The following RARB variants were observed in gnomAD, a reference collection of about 807,000 sequenced individuals.
RARB encodes retinoic acid receptor beta, also known as HBV-activated protein.
Under a neutral mutation model 51.9 loss-of-function variants are expected in RARB, and 17 were observed. That is an observed-to-expected ratio of 0.33 (90% CI 0.22 to 0.49). The LOEUF (loss-of-function observed/expected upper bound fraction) is 0.49. Ranked by LOEUF, RARB falls within the 20% of genes least tolerant of loss-of-function variation. The probability of loss-of-function intolerance (pLI) is 0.99; values close to 1 mark genes in which losing one functional copy is unlikely to be tolerated. For missense variants in RARB, 369 were observed against 550.8 expected (o/e 0.67, Z 3.30); for synonymous variants, 215 against 195.4 (o/e 1.10, Z -0.84).
At chr3:25,595,205 T>G (rs1395833302) in intron 7 of RARB, among the ~76,000 whole-genome samples, 1 of 152,206 alleles carries the variant, frequency 6.6e-6, no homozygotes, top group Non-Finnish European at 1.5e-5. Context: ...TTAATAGAGG[T>G]GCCTAGATCC....
chr3:25,448,033 A>G (rs1243435659), intron 1 of RARB, among the ~76,000 whole-genome samples: 3 of 152,082 alleles, frequency 2.0e-5, no homozygotes, highest in South Asian at 2.1e-4. Context: ...AATGCTCACA[A>G]TGATGCAATG....
At position 25,569,981 on chromosome 3, in the gene RARB, GACACACACAC is replaced by G. The variant is rs56255512; in HGVS notation, c.609+94_609+103del. The G allele has an allele frequency of 0.16, 167,446 of 1,067,318 alleles. 4,828 individuals are homozygous for G. Among genetic ancestry groups the G allele is most frequent in the Non-Finnish European group, 0.18 (134,041 of 764,706 alleles). 66.1% of individuals were successfully genotyped at this position (1,067,318 alleles called of 1,614,324 possible). On this transcript the variant is annotated intron_variant, in intron 4 of 7. Transcript: ENST00000330688. ...GAAACCTTGTACGTGCATGTGTGCA[GACACACACAC>G]ACACACACACACACACACACACACA...
intron 2 of RARB, among the ~76,000 whole-genome samples, chr3:24,966,922 A>G (rs140497940): frequency 6.6e-6 from 1 of 152,144 alleles, no homozygotes; most frequent in Non-Finnish European, 1.5e-5. Context: ...TGAATTCACC[A>G]TACATTTTCA....
rs1420869266 is a variant in RARB at position 25,428,902 on chromosome 3, T to G, written c.157+14T>G. On this transcript the variant is annotated intron_variant, in intron 1 of 7. Coordinates refer to ENST00000330688, the MANE Select transcript of RARB (RefSeq NM_000965.5). ...ACACTGCTCAATGTAGGTTTATTTT[T>G]TTCCCTTCTTCTACCAAGAAAAAAA... 2 of 1,584,490 alleles carry G rather than the reference T, an allele frequency of 1.3e-6. No homozygotes were observed. The highest frequency in any genetic ancestry group is 3.5e-5 in the Admixed American group (2 of 57,172).
intron 2 of RARB, among the ~76,000 whole-genome samples, chr3:25,463,661 CAA>C (rs200673086): frequency 6.6e-5 from 8 of 120,424 alleles, no homozygotes; most frequent in East Asian, 2.2e-4. Context: ...GACTCCATCT[CAA>C]AAAAAAAAAA....
At chr3:25,446,323 C>A (rs1708928114) in intron 1 of RARB, among the ~76,000 whole-genome samples, 1 of 152,182 alleles carries the variant, frequency 6.6e-6, no homozygotes, top group Non-Finnish European at 1.5e-5. Context: ...GAAAACTACA[C>A]CAAATCTGGA....
intron 3 of RARB, among the ~76,000 whole-genome samples, chr3:25,104,200 C>T (rs989856679): frequency 7.9e-5 from 12 of 152,272 alleles, no homozygotes; most frequent in African/African-American, 2.9e-4. Flanking sequence ...GCCTGAATGG[C>T]TAAATTGAAA....
chr3:25,264,102 G>A (rs965181328), intron 5 of RARB, among the ~76,000 whole-genome samples: 2 of 97,542 alleles, frequency 2.1e-5, no homozygotes, highest in African/African-American at 7.2e-5. Context: ...CCCACTTGGG[G>A]CATTGTTGAT....
chr3:25,481,568 T>G (rs1341594715), intron 2 of RARB, among the ~76,000 whole-genome samples: 2 of 152,216 alleles, frequency 1.3e-5, no homozygotes, highest in African/African-American at 4.8e-5. Context: ...AGAGCCTGTC[T>G]GTTATGGTCA....
At chr3:25,416,712 A>C (rs1707714137) in intron 5 of RARB, among the ~76,000 whole-genome samples, 1 of 152,216 alleles carries the variant, frequency 6.6e-6, no homozygotes, top group South Asian at 2.1e-4. Flanking sequence ...TTTTACAACA[A>C]GTGGTAGGCT....
intron 4 of RARB, among the ~76,000 whole-genome samples, chr3:25,152,402 G>T (rs1475056698): frequency 6.6e-6 from 1 of 152,072 alleles, no homozygotes; most frequent in Non-Finnish European, 1.5e-5. Flanking sequence ...GTTCTTCTTG[G>T]GTCCAAAGAG....
At chr3:25,129,561 A>G in intron 3 of RARB, among the ~76,000 whole-genome samples, 1 of 152,196 alleles carries the variant, frequency 6.6e-6, no homozygotes, top group South Asian at 2.1e-4. Context: ...ATATGTCTAA[A>G]TTATAGTCAT....
chr3:25,428,837 T>TGCTTC lies in RARB; in HGVS notation c.107_111dup (p.Ser38AlafsTer5). ...GCTCCAGGAGAAAGCTCTCAAAGCA[T>TGCTTC]GCTTCAGTGGATTGACCCAAACCGA... On this transcript the variant is annotated frameshift_variant, in exon 1 of 8. Coordinates refer to ENST00000330688, the MANE Select transcript of RARB (RefSeq NM_000965.5). LOFTEE classifies it high-confidence loss of function. 6.2e-7 allele frequency: 1 copy of TGCTTC among 1,614,156 alleles called. No homozygotes were observed. The highest frequency in any genetic ancestry group is 8.5e-7 in the Non-Finnish European group (1 of 1,180,016).
intron 1 of RARB, among the ~76,000 whole-genome samples, chr3:24,842,432 T>G (rs185197786): frequency 3.3e-5 from 5 of 152,344 alleles, no homozygotes; most frequent in African/African-American, 7.2e-5. Context: ...AATATGATTT[T>G]GTGAGGAATT....
chr3:24,943,663 A>G (rs1264536751), intron 2 of RARB, among the ~76,000 whole-genome samples: 1 of 152,208 alleles, frequency 6.6e-6, no homozygotes, highest in Non-Finnish European at 1.5e-5. Context: ...TTGTCTAACT[A>G]TAAGGACTAC....
At chr3:25,197,089 G>C (rs1468034791) in intron 5 of RARB, among the ~76,000 whole-genome samples, 3 of 151,960 alleles carry the variant, frequency 2.0e-5, no homozygotes, top group African/African-American at 7.2e-5. Context: ...CCATTTGTCT[G>C]TTTTGGCTTT....
chr3:25,392,636 T>A (rs1360144499), intron 5 of RARB, among the ~76,000 whole-genome samples: 3 of 151,986 alleles, frequency 2.0e-5, no homozygotes, highest in Non-Finnish European at 4.4e-5. Flanking sequence ...CTATGTATAT[T>A]TTTTTTCACA....
intron 2 of RARB, among the ~76,000 whole-genome samples, chr3:24,905,995 G>A (rs1206020178): frequency 6.6e-6 from 1 of 152,150 alleles, no homozygotes; most frequent in Admixed American, 6.6e-5. Flanking sequence ...AGTCTGTTAT[G>A]CACAAGGCAT....
At chr3:25,357,121 A>C (rs1230348569) in intron 5 of RARB, among the ~76,000 whole-genome samples, 1 of 152,016 alleles carries the variant, frequency 6.6e-6, no homozygotes, top group Non-Finnish European at 1.5e-5. Flanking sequence ...ACTAATTTAT[A>C]CTCCCACCAA....
Sources: allele counts gnomAD v4.1 joint callset (sites outside exome capture counted in the v4.1 genomes callset), GRCh38; gene constraint gnomAD v4.1.1; transcripts MANE v1.5; gene names NCBI Gene and HGNC (gene_info 2026-07-23, HGNC 2026-07-21).